The following NTNG1 variants were observed in gnomAD, a reference collection of about 807,000 sequenced individuals.
The protein encoded by NTNG1 is netrin-G1.
In NTNG1, 16 loss-of-function variants were observed where a neutral mutation model predicts 54.0. The observed-to-expected ratio is 0.30, with a 90% CI of 0.20 to 0.45. NTNG1 has a LOEUF of 0.45. Among genes scored for constraint, NTNG1 ranks in the 20% least tolerant of loss-of-function variants. NTNG1 has a pLI of 1.00. For missense variants in NTNG1, 530 were observed against 678.7 expected (o/e 0.78, Z 2.43); for synonymous variants, 255 against 263.1 (o/e 0.97, Z 0.30).
chr1:107,455,728 T>C (rs532070507), intron 7 of NTNG1: 2 of 381,104 alleles, frequency 5.2e-6, no homozygotes, highest in South Asian at 3.6e-5. Flanking sequence ...AGCCTTTTAC[T>C]GTGGTAGCAA....
chr1:107,280,657 T>A (rs3123375), intron 2 of NTNG1, among the ~76,000 whole-genome samples: 83,978 of 147,932 alleles, frequency 0.57, 24,455 homozygotes, highest in African/African-American at 0.7. Flanking sequence ...ACTCTCCTTT[T>A]TGAATGAGAA....
chr1:107,414,270 C>A (rs1674047886), intron 5 of NTNG1, among the ~76,000 whole-genome samples: 1 of 152,024 alleles, frequency 6.6e-6, no homozygotes, highest in African/African-American at 2.4e-5. Context: ...TTTTTATAAC[C>A]AAAATCTCCA....
intron 2 of NTNG1, among the ~76,000 whole-genome samples, chr1:107,241,736 A>T (rs1312309647): frequency 6.6e-6 from 1 of 152,188 alleles, no homozygotes; most frequent in Non-Finnish European, 1.5e-5. Flanking sequence ...GTTTTAAAAA[A>T]TTTGATTGCT....
At chr1:107,264,495 GT>G in intron 2 of NTNG1, among the ~76,000 whole-genome samples, 1 of 152,192 alleles carries the variant, frequency 6.6e-6, no homozygotes, top group South Asian at 2.1e-4. Context: ...TCCCTATGAA[GT>G]TAAAAGACTA....
At chr1:107,389,986 C>G (rs890978107) in intron 3 of NTNG1, among the ~76,000 whole-genome samples, 5 of 152,124 alleles carry the variant, frequency 3.3e-5, no homozygotes, top group African/African-American at 1.2e-4. Context: ...GTCACAGCAC[C>G]AGGAATTGAC....
intron 7 of NTNG1, among the ~76,000 whole-genome samples, chr1:107,475,673 A>G (rs890491529): frequency 1.8e-4 from 27 of 152,160 alleles, no homozygotes; most frequent in African/African-American, 6.5e-4. Flanking sequence ...CTTCCCCAAA[A>G]TATATCAGGG....
intron 3 of NTNG1, among the ~76,000 whole-genome samples, chr1:107,393,454 C>T (rs1391047618): frequency 1.3e-5 from 2 of 151,854 alleles, no homozygotes; most frequent in Non-Finnish European, 2.9e-5. Flanking sequence ...TTAAACATTG[C>T]CTATTTAACT....
intron 3 of NTNG1, among the ~76,000 whole-genome samples, chr1:107,331,848 A>G (rs919877673): frequency 6.6e-6 from 1 of 151,942 alleles, no homozygotes; most frequent in East Asian, 1.9e-4. Flanking sequence ...TTAATCAATG[A>G]TTCTCTCCAC....
At chr1:107,252,243 A>C (rs958334579) in intron 2 of NTNG1, among the ~76,000 whole-genome samples, 6 of 152,180 alleles carry the variant, frequency 3.9e-5, no homozygotes, top group Admixed American at 1.3e-4. Flanking sequence ...AGGATCTTTT[A>C]CTGTAGCCCC....
At chr1:107,304,647 A>G (rs144586866) in intron 2 of NTNG1, among the ~76,000 whole-genome samples, 2 of 152,120 alleles carry the variant, frequency 1.3e-5, no homozygotes, top group African/African-American at 2.4e-5. Flanking sequence ...ATTTTCATGT[A>G]ATTTATGACG....
In NTNG1 at chr1:107,355,265, T is replaced by A. The variant is rs1669870168; in HGVS notation, c.887+30343T>A. On this transcript the variant is annotated intron_variant, in intron 3 of 7. Coordinates refer to ENST00000370068, the MANE Select transcript of NTNG1 (RefSeq NM_001113226.3). ...TTTACAGGTCTAGTCTTTTTTTTTTTAACTTTTTTATTGTTTTTTTTAATT... is the reference window on the plus strand; with the variant it reads ...TTTACAGGTCTAGTCTTTTTTTTTTAAACTTTTTTATTGTTTTTTTTAATT... Among the ~76,000 whole-genome samples, 3 of 151,824 alleles carry A rather than the reference T, an allele frequency of 2.0e-5. No homozygotes were observed. The South Asian group carries it at 6.2e-4, about 32-fold the overall frequency.
intron 2 of NTNG1, among the ~76,000 whole-genome samples, chr1:107,197,485 A>C (rs565666183): frequency 3.0e-4 from 45 of 152,152 alleles, no homozygotes; most frequent in African/African-American, 9.4e-4. Context: ...TTATATAAGA[A>C]TGGGTTGACA....
intron 3 of NTNG1, among the ~76,000 whole-genome samples, chr1:107,350,643 T>A (rs1045782989): frequency 3.9e-5 from 6 of 152,198 alleles, no homozygotes; most frequent in Non-Finnish European, 8.8e-5. Context: ...ATATATACAA[T>A]GTGATGTTAT....
chr1:107,219,746 C>T (rs1454719916), intron 2 of NTNG1, among the ~76,000 whole-genome samples: 2 of 152,146 alleles, frequency 1.3e-5, no homozygotes, highest in African/African-American at 4.8e-5. Flanking sequence ...GTGATGTGAT[C>T]TATCTTCAGG....
At chr1:107,411,059 A>G (rs1295031812) in intron 5 of NTNG1, among the ~76,000 whole-genome samples, 1 of 152,132 alleles carries the variant, frequency 6.6e-6, no homozygotes, top group Non-Finnish European at 1.5e-5. Context: ...ACACAAACAA[A>G]AGAAGAGAGA....
chr1:107,151,982 A>G (rs1654600057), intron 2 of NTNG1, among the ~76,000 whole-genome samples: 1 of 151,620 alleles, frequency 6.6e-6, no homozygotes, highest in Admixed American at 6.6e-5. Context: ...GAAGAGGAAT[A>G]TATATATATG....
At chr1:107,262,838 C>G (rs1390054695) in intron 2 of NTNG1, among the ~76,000 whole-genome samples, 1 of 152,190 alleles carries the variant, frequency 6.6e-6, no homozygotes, top group Non-Finnish European at 1.5e-5. Context: ...GTTGGTTACC[C>G]TCTGTTGGTA....
At chr1:107,188,091 C>T (rs1403393917) in intron 2 of NTNG1, among the ~76,000 whole-genome samples, 3 of 151,892 alleles carry the variant, frequency 2.0e-5, no homozygotes, top group East Asian at 1.9e-4. Flanking sequence ...TGCCACTCAG[C>T]GTTGCTGATT....
chr1:107,241,763 A>G (rs1384907083), intron 2 of NTNG1, among the ~76,000 whole-genome samples: 2 of 152,278 alleles, frequency 1.3e-5, no homozygotes, highest in South Asian at 4.1e-4. Flanking sequence ...AATTTGGGGG[A>G]TAACTTGATG....
Sources: allele counts gnomAD v4.1 joint callset (sites outside exome capture counted in the v4.1 genomes callset), GRCh38; gene constraint gnomAD v4.1.1; transcripts MANE v1.5; gene names NCBI Gene and HGNC (gene_info 2026-07-23, HGNC 2026-07-21).